The following ZNF385C variants were observed in gnomAD, a reference collection of about 807,000 sequenced individuals.
ZNF385C encodes the protein CTD-2132N18.2.
ZNF385C carries 28 observed loss-of-function variants against 35.4 expected under a neutral mutation model. That is an observed-to-expected ratio of 0.79 (90% CI 0.59 to 1.08). The LOEUF is 1.08. Among genes scored for constraint, ZNF385C ranks in the 50% least tolerant of loss-of-function variants. The probability of loss-of-function intolerance (pLI) is 0.00; values close to 1 mark genes in which losing one functional copy is unlikely to be tolerated. For synonymous variants in ZNF385C, 248 were observed against 248.2 expected, an observed-to-expected ratio of 1.00 and a Z score of 0.01; for missense variants, 605 against 595.6, an observed-to-expected ratio of 1.02 and a Z score of -0.16.
At chr17:42,036,459 G>A (rs2052858604) in intron 3 of ZNF385C, among the ~76,000 whole-genome samples, 1 of 152,040 alleles carries the variant, frequency 6.6e-6, no homozygotes, top group Admixed American at 6.6e-5. Flanking sequence ...TTGGGAGGCC[G>A]AGGTGGGAGG....
At chr17:42,081,809 A>G (rs1216069627) in intron 1 of ZNF385C, among the ~76,000 whole-genome samples, 1 of 152,204 alleles carries the variant, frequency 6.6e-6, no homozygotes, top group Non-Finnish European at 1.5e-5. Context: ...CTACAGGAGC[A>G]CCACCTGAGG....
chr17:42,098,124 C>A (rs2053936057), intron 1 of ZNF385C, among the ~76,000 whole-genome samples: 1 of 152,232 alleles, frequency 6.6e-6, no homozygotes, highest in Admixed American at 6.5e-5. Flanking sequence ...CAACCTGCCC[C>A]ACTCCAGAAA....
intron 2 of ZNF385C, chr17:42,040,950 T>TA: frequency 8.1e-7 from 1 of 1,232,226 alleles, no homozygotes; most frequent in South Asian, 4.1e-5. Context: ...TGGGTGCAGA[T>TA]ACGCCGAAAG....
At chr17:42,051,472 ACT>A (rs1288694954) in intron 2 of ZNF385C, among the ~76,000 whole-genome samples, 1 of 151,536 alleles carries the variant, frequency 6.6e-6, no homozygotes, top group East Asian at 2.0e-4. Context: ...GTTATATTTA[ACT>A]CTGAGGCCTT....
At chr17:42,054,993 CT>C (rs1452347641) in intron 2 of ZNF385C, among the ~76,000 whole-genome samples, 3 of 152,086 alleles carry the variant, frequency 2.0e-5, no homozygotes, top group Non-Finnish European at 4.4e-5. Flanking sequence ...AAAGCTGGCT[CT>C]TTACCGACCT....
chr17:42,088,070 G>T (rs190190040), intron 1 of ZNF385C, among the ~76,000 whole-genome samples: 48 of 152,244 alleles, frequency 3.2e-4, no homozygotes, highest in South Asian at 1.2e-3. Flanking sequence ...CTCTTAGAGG[G>T]TCGTTATGAG....
At chr17:42,062,252 G>A (rs1205545625) in intron 2 of ZNF385C, 1 of 152,868 alleles carries the variant, frequency 6.5e-6, no homozygotes, top group Non-Finnish European at 1.5e-5. Context: ...CCAGAAATCT[G>A]CCTTGCAGCC....
chr17:42,078,135 T>C (rs2053704325), intron 1 of ZNF385C, among the ~76,000 whole-genome samples: 1 of 152,028 alleles, frequency 6.6e-6, no homozygotes, highest in Non-Finnish European at 1.5e-5. Flanking sequence ...TGCTAATTGG[T>C]TTGCTTCTGG....
chr17:42,031,742 T>C lies in ZNF385C; in HGVS notation c.553A>G (p.Lys185Glu). The stretch of plus-strand genomic sequence containing the variant: ...TTGGCAGCCTCGACAGCCTTGAGTT[T>C]TCTGGCGTGTTTGTGGCCTTTATAA... ...AHYKGHKHAR[K>E]LKAVEAAKSK... Residue 185 changes from lysine to glutamate, a missense_variant, in exon 5 of 9, where the codon AAA becomes GAA. Lys to Glu is a moderately conservative substitution (Grantham distance 56). Transcript: ENST00000692273. 1.9e-6 allele frequency: 3 copies of C among 1,550,906 alleles called. No homozygotes were observed. The highest frequency in any genetic ancestry group is 2.6e-6 in the Non-Finnish European group (3 of 1,147,070).
At chr17:42,032,945 A>G (rs2052764241) in intron 4 of ZNF385C, among the ~76,000 whole-genome samples, 1 of 151,140 alleles carries the variant, frequency 6.6e-6, no homozygotes, top group South Asian at 2.1e-4. Context: ...GCTGGTCTCT[A>G]ACTCCTGACC....
chr17:42,045,710 CTG>C (rs1555656576), intron 2 of ZNF385C, among the ~76,000 whole-genome samples: 3 of 152,218 alleles, frequency 2.0e-5, no homozygotes, highest in East Asian at 1.9e-4. Flanking sequence ...ATCACTGCAG[CTG>C]CCTCGGTCTC....
chr17:42,031,345 G>A (rs1276123839), intron 5 of ZNF385C, among the ~76,000 whole-genome samples: 1 of 152,116 alleles, frequency 6.6e-6, no homozygotes, highest in African/African-American at 2.4e-5. Context: ...CTTCACAAAT[G>A]AAGTCATTTG....
chr17:42,086,063 G>A (rs1425574628), intron 1 of ZNF385C, among the ~76,000 whole-genome samples: 1 of 151,864 alleles, frequency 6.6e-6, no homozygotes, highest in African/African-American at 2.4e-5. Context: ...GCAAGATCTT[G>A]TCTCGAAAAA....
intron 2 of ZNF385C, among the ~76,000 whole-genome samples, chr17:42,054,878 G>A (rs576540132): frequency 8.6e-4 from 131 of 152,158 alleles, no homozygotes; most frequent in African/African-American, 2.9e-3. Context: ...CACAGCACCC[G>A]GCCTGATCCA....
At chr17:42,090,768 G>T (rs1332648428) in intron 1 of ZNF385C, among the ~76,000 whole-genome samples, 1 of 152,146 alleles carries the variant, frequency 6.6e-6, no homozygotes, top group Admixed American at 6.5e-5. Context: ...TGTAGTCCCA[G>T]CTACTCGGGA....
intron 1 of ZNF385C, among the ~76,000 whole-genome samples, chr17:42,076,761 T>A (rs1555659294): frequency 5.9e-5 from 9 of 152,190 alleles, no homozygotes; most frequent in Non-Finnish European, 1.3e-4. Flanking sequence ...TCTCTTTCCT[T>A]TATACCATGG....
chr17:42,096,111 C>T (rs2053914784), intron 1 of ZNF385C, among the ~76,000 whole-genome samples: 2 of 152,174 alleles, frequency 1.3e-5, no homozygotes, highest in African/African-American at 2.4e-5. Context: ...CTTCCTGCTG[C>T]CGGGTCCTGT....
intron 2 of ZNF385C, chr17:42,039,542 TGG>T (rs10712120): frequency 2.1e-5 from 11 of 514,700 alleles, no homozygotes; most frequent in Admixed American, 4.4e-5. Context: ...GCCCACAGGG[TGG>T]GGGGGGTTGG....
chr17:42,052,446 C>T (rs563018439), intron 2 of ZNF385C, among the ~76,000 whole-genome samples: 1 of 152,032 alleles, frequency 6.6e-6, no homozygotes, highest in East Asian at 1.9e-4. Flanking sequence ...TCCCCCCACA[C>T]TTAGACCATG....
Sources: allele counts gnomAD v4.1 joint callset (sites outside exome capture counted in the v4.1 genomes callset), GRCh38; gene constraint gnomAD v4.1.1; transcripts MANE v1.5; gene names NCBI Gene and HGNC (gene_info 2026-07-23, HGNC 2026-07-21).